DCC: variants seen among roughly 807,000 people sequenced by gnomAD.
DCC encodes netrin receptor DCC.
Under a neutral mutation model 172.5 loss-of-function variants are expected in DCC, and 58 were observed. The observed-to-expected ratio is 0.34, with a 90% CI of 0.27 to 0.42. The LOEUF (loss-of-function observed/expected upper bound fraction) is 0.42. Ranked by LOEUF, DCC falls within the 10% of genes least tolerant of loss-of-function variation. DCC has a pLI of 1.00. For synonymous variants in DCC, 709 were observed against 644.5 expected (o/e 1.10, Z -1.52); for missense variants, 1,740 against 1,791.0 (o/e 0.97, Z 0.51).
At chr18:52,633,412 C>G (rs1309273870) in intron 1 of DCC, among the ~76,000 whole-genome samples, 2 of 152,154 alleles carry the variant, frequency 1.3e-5, no homozygotes, top group Non-Finnish European at 2.9e-5. Flanking sequence ...CCATTGTTGG[C>G]AGATCCTGGG....
intron 12 of DCC, among the ~76,000 whole-genome samples, chr18:53,234,131 T>G (rs1318876966): frequency 1.3e-5 from 2 of 152,106 alleles, no homozygotes; most frequent in Non-Finnish European, 2.9e-5. Context: ...ATGCCTGTAA[T>G]CCCAGCTACT....
Position 53,526,602 on chromosome 18 carries a change from T to G in DCC, c.4112-15T>G. The G allele has an allele frequency of 6.2e-7, 1 of 1,613,114 alleles. No homozygotes were observed. Among genetic ancestry groups the G allele is most frequent in the Non-Finnish European group, 8.5e-7 (1 of 1,179,294 alleles). On this transcript the variant is annotated splice_polypyrimidine_tract_variant and intron_variant, in intron 27 of 28. Coordinates refer to ENST00000442544, the MANE Select transcript of DCC (RefSeq NM_005215.4). ...GTTTTCTACATTACTTTCATCACTG[T>G]GTTTTCTATTTCAGGGCCCACTCTT...
intron 1 of DCC, among the ~76,000 whole-genome samples, chr18:52,621,763 T>A (rs188269045): frequency 7.8e-4 from 119 of 152,314 alleles, no homozygotes; most frequent in Middle Eastern, 3.4e-3. Flanking sequence ...CAAGTCTCTT[T>A]GCTTTTGGCC....
intron 5 of DCC, among the ~76,000 whole-genome samples, chr18:53,000,011 G>A (rs1386309251): frequency 6.6e-6 from 1 of 151,956 alleles, no homozygotes; most frequent in Non-Finnish European, 1.5e-5. Context: ...GCCAAGGAAC[G>A]CCAAACATCA....
At chr18:52,833,015 A>G (rs2038644653) in intron 2 of DCC, among the ~76,000 whole-genome samples, 1 of 152,126 alleles carries the variant, frequency 6.6e-6, no homozygotes, top group Middle Eastern at 3.2e-3. Context: ...GAGAATATAT[A>G]ACCTCTTGTT....
chr18:52,818,076 A>C (rs895970141), intron 2 of DCC: 12 of 152,110 alleles, frequency 7.9e-5, no homozygotes, highest in African/African-American at 2.9e-4. Context: ...TAGAATTCTT[A>C]TTTATGCCTA....
chr18:52,374,575 C>A (rs1985266415), intron 1 of DCC, among the ~76,000 whole-genome samples: 1 of 152,024 alleles, frequency 6.6e-6, no homozygotes, highest in Non-Finnish European at 1.5e-5. Flanking sequence ...CAAGAGAGAT[C>A]TAAGAACACA....
At chr18:52,809,210 G>A (rs1021847433) in intron 2 of DCC, 21 of 152,326 alleles carry the variant, frequency 1.4e-4, no homozygotes, top group African/African-American at 5.1e-4. Flanking sequence ...TATTGTTATT[G>A]TTGCTAGTTT....
chr18:52,768,442 G>C (rs1230646057), intron 2 of DCC, among the ~76,000 whole-genome samples: 1 of 152,116 alleles, frequency 6.6e-6, no homozygotes, highest in Non-Finnish European at 1.5e-5. Context: ...TTTCATTACT[G>C]AAACTCACAA....
In DCC at chr18:53,351,419, ACACT is replaced by A. The variant is rs1455138560; in HGVS notation, c.2359+11513_2359+11516del. Among the ~76,000 whole-genome samples the A allele has an allele frequency of 2.1e-3, 20 of 9,342 alleles. 1 individual carries two copies. The highest frequency in any genetic ancestry group is 0.019 in the East Asian group (1 of 54). The allele number at this position is 9,342 out of a possible 152,430, so 6.1% of individuals were successfully genotyped here. On this transcript the variant is annotated intron_variant, in intron 15 of 28. Transcript: ENST00000442544. ...ATACAGTGTATATATATATATATAC[ACACT>A]GTGTATATATATATACAGTGTATAT...
intron 1 of DCC, among the ~76,000 whole-genome samples, chr18:52,363,972 G>T (rs909298131): frequency 2.6e-5 from 4 of 152,120 alleles, no homozygotes; most frequent in Non-Finnish European, 4.4e-5. Flanking sequence ...TGTGCAACAT[G>T]GCACCCCATG....
intron 7 of DCC, among the ~76,000 whole-genome samples, chr18:53,123,706 T>C (rs2043515550): frequency 6.6e-6 from 1 of 152,086 alleles, no homozygotes; most frequent in African/African-American, 2.4e-5. Flanking sequence ...TTTCATTCTT[T>C]CTATTACTTT....
chr18:53,111,058 AC>A (rs1380409438), intron 7 of DCC, among the ~76,000 whole-genome samples: 1 of 146,624 alleles, frequency 6.8e-6, no homozygotes, highest in Non-Finnish European at 1.5e-5. Context: ...ACCATGGAAT[AC>A]TATGCAGCCA....
intron 9 of DCC, among the ~76,000 whole-genome samples, chr18:53,204,895 A>G (rs944758079): frequency 2.6e-5 from 4 of 152,132 alleles, no homozygotes; most frequent in Non-Finnish European, 4.4e-5. Context: ...CATAGTGGCA[A>G]ATTTTTCAGA....
chr18:53,391,510 T>C (rs955258501), intron 16 of DCC, 145 bp from the exon 17 acceptor site: 1 of 660,490 alleles, frequency 1.5e-6, no homozygotes, highest in Non-Finnish European at 2.7e-6. Flanking sequence ...ATTAATTACA[T>C]TTTTTTCTGT....
At chr18:52,771,509 T>C (rs2037343244) in intron 2 of DCC, among the ~76,000 whole-genome samples, 1 of 152,166 alleles carries the variant, frequency 6.6e-6, no homozygotes, top group Non-Finnish European at 1.5e-5. Flanking sequence ...AGCAGGAAAC[T>C]TCCTCTACAT....
chr18:52,544,451 C>CT (rs112130561), intron 1 of DCC, among the ~76,000 whole-genome samples: 2,794 of 149,108 alleles, frequency 0.019, 67 homozygotes, highest in African/African-American at 0.051. Context: ...TTCTTTCTTT[C>CT]TTTTTTTTTT....
chr18:52,929,138 T>TTATAC (rs1301016251), intron 5 of DCC, among the ~76,000 whole-genome samples: 1 of 152,064 alleles, frequency 6.6e-6, no homozygotes, highest in Non-Finnish European at 1.5e-5. Flanking sequence ...AATATCAGTA[T>TTATAC]TGAGGCAGAA....
In DCC at chr18:53,251,313, A is replaced by G. The variant is rs1426832456; in HGVS notation, c.1911+35716A>G. Among the ~76,000 whole-genome samples, 3 of 151,856 alleles carry G rather than the reference A, an allele frequency of 2.0e-5. No individual in the cohort carries two copies. The East Asian group carries it at 5.8e-4, about 29-fold the overall frequency. On this transcript the variant is annotated intron_variant, in intron 12 of 28. Transcript: ENST00000442544. ...CCATAATCTTGTTTTCCTACTGTAC[A>G]ATATCTGTCTTTTGTTTTGAACGTA...
Sources: allele counts gnomAD v4.1 joint callset (sites outside exome capture counted in the v4.1 genomes callset), GRCh38; gene constraint gnomAD v4.1.1; transcripts MANE v1.5; gene names NCBI Gene and HGNC (gene_info 2026-07-23, HGNC 2026-07-21).